TLR9: variants seen among roughly 807,000 people sequenced by gnomAD.
The protein encoded by TLR9 is toll-like receptor 9.
In TLR9, 19 loss-of-function variants were observed where a neutral mutation model predicts 24.6. That is an observed-to-expected ratio of 0.77 (90% CI 0.54 to 1.13). TLR9 has a LOEUF of 1.13. Among genes scored for constraint, TLR9 ranks in the 50% most tolerant of loss-of-function variants. TLR9 has a pLI of 0.00. For synonymous variants in TLR9, 579 were observed against 609.8 expected, an observed-to-expected ratio of 0.95 and a Z score of 0.74; for missense variants, 1,065 against 1,379.6, an observed-to-expected ratio of 0.77 and a Z score of 3.61.
rs201349116 is a variant in TLR9, at chr3:52,221,829, G to A, written c.2487C>T (p.Gly829=). ...FALSLLAVAL[G]LGVPMLHHLC... ...GGTGATGCAGCATGGGCACACCCAG[G>A]CCCAGAGCCACAGCCAGCAGCGAGA... The change falls in exon 2 of 2, where the codon GGC becomes GGT. Residue 829 remains glycine, a synonymous_variant. Coordinates refer to ENST00000360658, the MANE Select transcript of TLR9 (RefSeq NM_017442.4). The surrounding 1 kb of genome is among the most constrained non-coding windows in gnomAD (Gnocchi z 9.9). 80 of 1,613,830 alleles carry A rather than the reference G, an allele frequency of 5.0e-5. No homozygotes were observed. Among genetic ancestry groups the A allele is most frequent in the Non-Finnish European group, 6.3e-5 (74 of 1,180,016 alleles).
chr3:52,225,464 C>T, intron 1 of TLR9, 63 bp downstream of exon 1: 1 of 1,606,284 alleles, frequency 6.2e-7, no homozygotes. Flanking sequence ...GCCAAGCCCA[C>T]TTCTTTCCCC....
Position 52,222,066 on chromosome 3 carries a change from A to G in TLR9, c.2250T>C (p.Ser750=). ...VDHSWFGPLA[S]ALQILDVSAN... ...CGCTTACATCTAGTATTTGCAGGGC[A>G]CTCGCCAGGGGCCCAAACCAGGAGT... Residue 750 remains serine (S), a synonymous_variant, in exon 2 of 2, where the codon AGT becomes AGC. Transcript: ENST00000360658. The G allele has an allele frequency of 6.2e-7, 1 of 1,612,486 alleles. No homozygotes were observed. Among genetic ancestry groups the G allele is most frequent in the Non-Finnish European group, 8.5e-7 (1 of 1,179,252 alleles).
rs1699576907 is a variant in TLR9, at chr3:52,222,851, G to T, written c.1465C>A (p.Pro489Thr). ...LSRNNLVTVQ[P>T]EMFAQLSHLQ... is the part of the protein sequence containing the mutation. ...TGCGAGAGCTGGGCAAACATCTCCG[G>T]CTGCACGGTCACCAGGTTGTTCCGT... Residue 489 changes from proline to threonine, a missense_variant, in exon 2 of 2, where the codon CCG (proline) becomes ACG (threonine). By Grantham distance (38) the Pro-to-Thr change is conservative. Coordinates refer to ENST00000360658, the MANE Select transcript of TLR9 (RefSeq NM_017442.4). The T allele has an allele frequency of 6.2e-7, 1 of 1,612,044 alleles. No homozygotes were observed. The highest frequency in any genetic ancestry group is 1.3e-5 in the African/African-American group (1 of 74,928).
rs760945505 is a variant in TLR9 at position 52,225,557 on chromosome 3, G to T, written c.-28C>A. 3 of 1,578,012 alleles carry T rather than the reference G, an allele frequency of 1.9e-6. No homozygotes were observed. Among genetic ancestry groups the T allele is most frequent in the Middle Eastern group, 1.7e-4 (1 of 5,942 alleles). ...TGGGGGGCAGGGGCTTCTCCAGAGG[G>T]TCTGGCGGGCAGACTGGACAGCAGC... On this transcript the variant is annotated 5_prime_UTR_variant, in exon 1 of 2. Transcript: ENST00000360658.
In TLR9 at chr3:52,224,038, T is replaced by G; in HGVS notation, c.278A>C (p.Asn93Thr). 3.8e-6 allele frequency: 6 copies of G among 1,582,152 alleles called. No individual in the cohort carries two copies. The highest frequency in any genetic ancestry group is 5.2e-6 in the Non-Finnish European group (6 of 1,160,224). The change falls in exon 2 of 2, where the codon AAC becomes ACC. Residue 93 changes from asparagine to threonine, a missense_variant. Physicochemically the swap from Asn to Thr is moderately conservative, Grantham distance 65 (BLOSUM62 0). Coordinates refer to ENST00000360658, the MANE Select transcript of TLR9 (RefSeq NM_017442.4). Reference sequence around the variant, plus strand: ...AACCGGCGGGCAGTTCCACTTGAGGTTGAGATGCCGCAGGCTGGGCAGGTG... The same window carrying G: ...AACCGGCGGGCAGTTCCACTTGAGGGTGAGATGCCGCAGGCTGGGCAGGTG... ...FAHLPSLRHL[N>T]LKWNCPPVGL...
In TLR9 at chr3:52,223,549, C is replaced by A. The variant is rs202089021; in HGVS notation, c.767G>T (p.Arg256Leu). ...LRVLDVGGNC[R>L]RCDHAPNPCM... The stretch of plus-strand genomic sequence containing the variant: ...GGGGTTGGGAGCGTGGTCGCAGCGG[C>A]GGCAATTTCCGCCCACATCGAGCAC... Residue 256 changes from arginine (R) to leucine (L), a missense_variant, in exon 2 of 2, where the codon CGC becomes CTC. Physicochemically the swap from Arg to Leu is moderately radical, Grantham distance 102. Coordinates refer to ENST00000360658, the MANE Select transcript of TLR9 (RefSeq NM_017442.4). The A allele has an allele frequency of 1.3e-6, 2 of 1,534,282 alleles. No homozygotes were observed. Among genetic ancestry groups the A allele is most frequent in the Non-Finnish European group, 1.8e-6 (2 of 1,139,914 alleles).
Position 52,222,601 on chromosome 3 carries a change from G to A in TLR9, c.1715C>T (p.Ala572Val). 6.2e-7 allele frequency: 1 copy of A among 1,614,144 alleles called. No homozygotes were observed. Among genetic ancestry groups the A allele is most frequent in the Non-Finnish European group, 8.5e-7 (1 of 1,180,024 alleles). Residue 572 changes from alanine (A) to valine (V), a missense_variant, in exon 2 of 2, where the codon GCT (alanine) becomes GTT (valine). Physicochemically the swap from Ala to Val is moderately conservative, Grantham distance 64. Transcript: ENST00000360658. ...GAGGTGGCGCAGGGTGCGCAGGTGAGCCACGAAGCTGAAGTTGTGGCCCAC... is the reference window on the plus strand; with the variant it reads ...GAGGTGGCGCAGGGTGCGCAGGTGAACCACGAAGCTGAAGTTGTGGCCCAC... ...QGVGHNFSFVAHLRTLRHLSL... is the reference protein window; with the variant it reads ...QGVGHNFSFVVHLRTLRHLSL...
At position 52,221,193 on chromosome 3, in the gene TLR9, ACCGTGCAGGATT is replaced by A. The variant is rs1194857103; in HGVS notation, c.*12_*23del. On this transcript the variant is annotated 3_prime_UTR_variant, in exon 2 of 2. Transcript: ENST00000360658. The surrounding 1 kb of genome is among the most constrained non-coding windows in gnomAD (Gnocchi z 9.9). ...GAGGTGAGGTGAGTGTGGAGGTGGC[ACCGTGCAGGATT>A]CCGGCTCACGGCTATTCGGCCGTGG... is the stretch of plus-strand genomic sequence containing the variant. 6.6e-7 allele frequency: 1 copy of A among 1,507,240 alleles called. No individual in the cohort carries two copies. The highest frequency in any genetic ancestry group is 8.9e-7 in the Non-Finnish European group (1 of 1,127,440). 93.4% of individuals were successfully genotyped at this position (1,507,240 alleles called of 1,614,324 possible).
chr3:52,224,381 G>T, intron 1 of TLR9, 69 bp from the exon 2 acceptor site: 1 of 1,156,320 alleles, frequency 8.6e-7, no homozygotes. Context: ...CACTTCATGG[G>T]CATCTTCTAG....
In TLR9 at chr3:52,223,622, T is replaced by C; in HGVS notation, c.694A>G (p.Ile232Val). 2 of 1,556,394 alleles carry C rather than the reference T, an allele frequency of 1.3e-6. No individual in the cohort carries two copies. The highest frequency in any genetic ancestry group is 1.4e-5 in the African/African-American group (1 of 73,142). ...LEYLLLSYNR[I>V]VKLAPEDLAN... The stretch of plus-strand genomic sequence containing the variant: ...AGGTCCTCAGGCGCCAGTTTGACGA[T>C]GCGGTTGTAGGACAACAGCAGATAC... The change falls in exon 2 of 2, where the codon ATC (isoleucine) becomes GTC (valine). Residue 232 changes from isoleucine to valine, a missense_variant. Transcript: ENST00000360658.
chr3:52,225,134 C>G (rs1699608239), intron 1 of TLR9, among the ~76,000 whole-genome samples: 1 of 152,190 alleles, frequency 6.6e-6, no homozygotes, highest in Non-Finnish European at 1.5e-5. Context: ...CACCTGAGGT[C>G]TGGAGTTCAA....
In TLR9 at chr3:52,223,942, A is replaced by G; in HGVS notation, c.374T>C (p.Leu125Pro). ...GTTGTAGCTCAGGTTTAGCTCTTCC[A>G]GGGTGGGCACAGCCAAGAAGGTGCT... ...EPSTFLAVPT[L>P]EELNLSYNNI... The change falls in exon 2 of 2, where the codon CTG becomes CCG. Residue 125 changes from leucine to proline, a missense_variant. Transcript: ENST00000360658. The G allele has an allele frequency of 1.3e-6, 2 of 1,592,696 alleles. No individual in the cohort carries two copies. The highest frequency in any genetic ancestry group is 1.7e-6 in the Non-Finnish European group (2 of 1,166,452).
chr3:52,223,403 G>T lies in TLR9; in HGVS notation c.913C>A (p.Arg305Ser). The change falls in exon 2 of 2, where the codon CGT becomes AGT. Residue 305 changes from arginine (R) to serine (S), a missense_variant. Arg to Ser is a moderately radical substitution (Grantham distance 110). Transcript: ENST00000360658. The stretch of plus-strand genomic sequence containing the variant: ...AGCACTCGGAGGTTTCCCAGCCCAC[G>T]GAACCAACTGGCATTCAGCCAGGAG... ...SLSWLNASWF[R>S]GLGNLRVLDL... is the part of the protein sequence containing the mutation. 1 of 1,613,300 alleles carries T rather than the reference G, an allele frequency of 6.2e-7. No homozygotes were observed. Among genetic ancestry groups the T allele is most frequent in the Non-Finnish European group, 8.5e-7 (1 of 1,179,546 alleles).
Position 52,222,292 on chromosome 3 carries a change from A to G in TLR9, c.2024T>C (p.Phe675Ser). 6.2e-7 allele frequency: 1 copy of G among 1,614,156 alleles called. No homozygotes were observed. ...GTCGAGGACTTCCAGTTTGGGCAGG[A>G]AGTGGAGGCTCCACCACTTAAAGAA... Reference protein sequence around the residue: ...LAFFKWWSLHFLPKLEVLDLA... With the variant: ...LAFFKWWSLHSLPKLEVLDLA... The change falls in exon 2 of 2, where the codon TTC becomes TCC. Residue 675 changes from phenylalanine (F) to serine (S), a missense_variant. Phe to Ser is a radical substitution (Grantham distance 155). Transcript: ENST00000360658.
At position 52,221,367 on chromosome 3, in the gene TLR9, C is replaced by T. The variant is rs1699549648; in HGVS notation, c.2949G>A (p.Leu983=). 3 of 1,587,094 alleles carry T rather than the reference C, an allele frequency of 1.9e-6. No individual in the cohort carries two copies. The highest frequency in any genetic ancestry group is 2.7e-5 in the African/African-American group (2 of 74,322). The change falls in exon 2 of 2, where the codon CTG becomes CTA. Residue 983 remains leucine (L), a synonymous_variant. Coordinates refer to ENST00000360658, the MANE Select transcript of TLR9 (RefSeq NM_017442.4). The surrounding 1 kb of genome is among the most constrained non-coding windows in gnomAD (Gnocchi z 9.9). ...CACTCTGGCGGCAGAGGCGCTGGCG[C>T]AGCCGCACGTAGCGGGAGCGGCGGC... ...PDGRRSRYVR[L]RQRLCRQSVL... is the part of the protein sequence containing the mutation.
intron 1 of TLR9, 39 bp from the exon 2 acceptor site, chr3:52,224,351 A>G (rs1577981515): frequency 1.3e-6 from 2 of 1,491,006 alleles, no homozygotes; most frequent in East Asian, 2.5e-5. Context: ...GCCGGCCCCC[A>G]GCTCTACCTC....
rs200543932 is a variant in TLR9, at chr3:52,222,934, G to A, written c.1382C>T (p.Pro461Leu). The change falls in exon 2 of 2, where the codon CCC becomes CTC. Residue 461 changes from proline to leucine, a missense_variant. Pro to Leu is a moderately conservative substitution (Grantham distance 98). Transcript: ENST00000360658. The part of the protein sequence containing the change: ...GDLAPAPVDT[P>L]SSEDFRPNCS... ...GTTGGGCCTGAAGTCTTCAGAGCTG[G>A]GAGTGTCCACTGGGGCCGGAGCAAG... is the stretch of plus-strand genomic sequence containing the variant. 5.0e-6 allele frequency: 8 copies of A among 1,600,848 alleles called. No individual in the cohort carries two copies. In the Admixed American group the frequency reaches 1.2e-4, roughly 24 times the overall value.
chr3:52,223,613 G>A lies in TLR9; in HGVS notation c.703C>T (p.Leu235=), dbSNP rs191316730. 5 of 1,549,634 alleles carry A rather than the reference G, an allele frequency of 3.2e-6. No homozygotes were observed. In the African/African-American group the frequency reaches 5.5e-5, roughly 17 times the overall value. ...LLLSYNRIVK[L]APEDLANLTA... ...AGATTGGCCAGGTCCTCAGGCGCCA[G>A]TTTGACGATGCGGTTGTAGGACAAC... The change falls in exon 2 of 2, where the codon CTG becomes TTG. Residue 235 remains leucine (L), a synonymous_variant. Transcript: ENST00000360658.
At position 52,225,564 on chromosome 3, in the gene TLR9, G is replaced by A. The variant is rs200060413; in HGVS notation, c.-35C>T. The A allele has an allele frequency of 1.6e-5, 25 of 1,574,206 alleles. No homozygotes were observed. Among genetic ancestry groups the A allele is most frequent in the Admixed American group, 8.0e-5 (4 of 49,748 alleles). ...CAGGGGCTTCTCCAGAGGGTCTGGC[G>A]GGCAGACTGGACAGCAGCTACAGGG... On this transcript the variant is annotated 5_prime_UTR_variant, in exon 1 of 2. Coordinates refer to ENST00000360658, the MANE Select transcript of TLR9 (RefSeq NM_017442.4).
Sources: allele counts gnomAD v4.1 joint callset (sites outside exome capture counted in the v4.1 genomes callset), GRCh38; gene constraint gnomAD v4.1.1; non-coding constraint Gnocchi (gnomAD v3.1); transcripts MANE v1.5; gene names NCBI Gene and HGNC (gene_info 2026-07-23, HGNC 2026-07-21).